Variants in USH2A observed in about 807,000 individuals in gnomAD.
The protein encoded by USH2A is usherin.
In USH2A, 443 loss-of-function variants were observed where a neutral mutation model predicts 538.9. That is an observed-to-expected ratio of 0.82 (90% CI 0.76 to 0.89). The LOEUF is 0.89. Ranked by LOEUF, USH2A falls within the 40% of genes least tolerant of loss-of-function variation. The pLI is 0.00. For missense variants in USH2A, 6,633 were observed against 6,324.8 expected, an observed-to-expected ratio of 1.05 and a Z score of -1.65; for synonymous variants, 2,413 against 2,273.5, an observed-to-expected ratio of 1.06 and a Z score of -1.75.
At chr1:216,151,172 A>G (rs990866265) in intron 21 of USH2A, among the ~76,000 whole-genome samples, 14 of 152,050 alleles carry the variant, frequency 9.2e-5, no homozygotes, top group African/African-American at 3.4e-4. Flanking sequence ...CAGTTACCCC[A>G]TCAGTCCCCA....
intron 38 of USH2A, among the ~76,000 whole-genome samples, chr1:215,928,987 A>G (rs1412808186): frequency 6.6e-6 from 1 of 152,114 alleles, no homozygotes; most frequent in Non-Finnish European, 1.5e-5. Flanking sequence ...ATTCAAAAGC[A>G]TATTGGCTGA....
At chr1:215,779,294 T>C (rs1661551318) in intron 55 of USH2A, among the ~76,000 whole-genome samples, 2 of 152,178 alleles carry the variant, frequency 1.3e-5, no homozygotes, top group African/African-American at 4.8e-5. Context: ...TAACATATCA[T>C]TGTACTGTAC....
intron 13 of USH2A, among the ~76,000 whole-genome samples, chr1:216,241,575 C>G (rs1268520448): frequency 1.3e-5 from 2 of 150,622 alleles, no homozygotes; most frequent in Non-Finnish European, 2.9e-5. Context: ...GCTCTTGTTG[C>G]CCAGGCAGGA....
intron 3 of USH2A, among the ~76,000 whole-genome samples, chr1:216,415,943 T>A (rs914810362): frequency 1.3e-5 from 2 of 152,030 alleles, no homozygotes; most frequent in Admixed American, 6.6e-5. Flanking sequence ...GGCAGGTGGA[T>A]CACCTGAGGT....
intron 54 of USH2A, among the ~76,000 whole-genome samples, chr1:215,781,017 T>C (rs1381465790): frequency 6.6e-6 from 1 of 152,226 alleles, no homozygotes; most frequent in Non-Finnish European, 1.5e-5. Flanking sequence ...TTCTATGAAA[T>C]GTCCCTTTCT....
chr1:216,116,447 T>C (rs2033011202), intron 21 of USH2A, among the ~76,000 whole-genome samples: 1 of 152,124 alleles, frequency 6.6e-6, no homozygotes, highest in African/African-American at 2.4e-5. Context: ...ATGGTGTCCA[T>C]GTCAAGCATA....
In USH2A at chr1:215,758,586, T is replaced by A. The variant is rs12095085; in HGVS notation, c.11389+9A>T. On this transcript the variant is annotated intron_variant, in intron 58 of 71. Coordinates refer to ENST00000307340, the MANE Select transcript of USH2A (RefSeq NM_206933.4). ...CACACACACACACATACTTCTTTTT[T>A]TTTTTTACCTGGTGGTATCCAAGCT... is the stretch of plus-strand genomic sequence containing the variant. The A allele has an allele frequency of 0.12, 197,902 of 1,609,608 alleles. 13,110 individuals are homozygous for A. The highest frequency in any genetic ancestry group is 0.14 in the African/African-American group (10,113 of 74,886).
chr1:215,674,888 G>A lies in USH2A; in HGVS notation c.13023C>T (p.Cys4341=). The A allele has an allele frequency of 1.2e-6, 2 of 1,614,186 alleles. No individual in the cohort carries two copies. Among genetic ancestry groups the A allele is most frequent in the South Asian group, 1.1e-5 (1 of 91,088 alleles). Residue 4341 remains cysteine (C), a synonymous_variant, in exon 63 of 72, where the codon TGC becomes TGT. Transcript: ENST00000307340. The part of the protein sequence containing the change: ...YALQACTSGG[C]STSKPTSITT... Reference sequence around the variant, plus strand: ...TGATGCTGGTGGGTTTGCTGGTGGAGCATCCTCCACTCGTGCAGGCTTGGA... The same window carrying A: ...TGATGCTGGTGGGTTTGCTGGTGGAACATCCTCCACTCGTGCAGGCTTGGA...
intron 11 of USH2A, among the ~76,000 whole-genome samples, chr1:216,255,671 T>C (rs971852409): frequency 8.5e-5 from 13 of 152,148 alleles, no homozygotes; most frequent in Non-Finnish European, 1.6e-4. Flanking sequence ...GTAGATGTTT[T>C]GTGTAGGCCT....
chr1:215,807,078 A>G (rs1377948787), intron 49 of USH2A, among the ~76,000 whole-genome samples: 6 of 152,094 alleles, frequency 3.9e-5, no homozygotes, highest in Non-Finnish European at 8.8e-5. Flanking sequence ...AATGAAGACA[A>G]CAGATGTGAT....
chr1:215,808,741 T>C (rs2102788368), intron 49 of USH2A, among the ~76,000 whole-genome samples: 1 of 152,278 alleles, frequency 6.6e-6, no homozygotes, highest in East Asian at 1.9e-4. Flanking sequence ...CACTTATCAA[T>C]ACTTTGTTCT....
chr1:215,909,793 A>G (rs901172354), intron 38 of USH2A, among the ~76,000 whole-genome samples: 6 of 151,970 alleles, frequency 3.9e-5, no homozygotes, highest in African/African-American at 1.4e-4. Flanking sequence ...CAGAAGCCTC[A>G]TTGACGTGAG....
intron 30 of USH2A, among the ~76,000 whole-genome samples, chr1:216,066,199 T>A (rs1021877214): frequency 2.6e-5 from 4 of 151,554 alleles, no homozygotes; most frequent in East Asian, 2.0e-4. Flanking sequence ...GGCCGGGCAC[T>A]GTGGCTCACG....
chr1:215,754,170 G>A (rs1231412089), intron 58 of USH2A, among the ~76,000 whole-genome samples: 1 of 152,092 alleles, frequency 6.6e-6, no homozygotes, highest in African/African-American at 2.4e-5. Context: ...ATTAACTGAG[G>A]TAAGGCAGAG....
intron 21 of USH2A, among the ~76,000 whole-genome samples, chr1:216,138,942 GTA>G (rs549349020): frequency 0.057 from 8,218 of 144,804 alleles, 274 homozygotes; most frequent in Middle Eastern, 0.12. Context: ...GTGTGTGTGT[GTA>G]TATATATGTG....
At chr1:216,000,282 A>T in intron 33 of USH2A, 121 bp downstream of exon 33, 12 of 1,090,994 alleles carry the variant, frequency 1.1e-5, no homozygotes, top group Non-Finnish European at 1.7e-5. Context: ...CCACTGAACT[A>T]ATCACTTCTA....
chr1:215,857,203 T>C (rs777625503), intron 44 of USH2A, among the ~76,000 whole-genome samples: 5 of 152,012 alleles, frequency 3.3e-5, no homozygotes, highest in Non-Finnish European at 5.9e-5. Context: ...ATAAACAAAT[T>C]AAAAAGGGAT....
At chr1:215,635,171 C>G (rs1656435285) in intron 69 of USH2A, among the ~76,000 whole-genome samples, 1 of 152,170 alleles carries the variant, frequency 6.6e-6, no homozygotes, top group South Asian at 2.1e-4. Context: ...TTGCTTCATG[C>G]AACAGTCCAA....
At chr1:216,221,567 A>G (rs2035458599) in intron 14 of USH2A, among the ~76,000 whole-genome samples, 1 of 152,194 alleles carries the variant, frequency 6.6e-6, no homozygotes, top group Admixed American at 6.5e-5. Flanking sequence ...CTCATCTGAA[A>G]GGGAGACGTT....
Sources: allele counts gnomAD v4.1 joint callset (sites outside exome capture counted in the v4.1 genomes callset), GRCh38; gene constraint gnomAD v4.1.1; transcripts MANE v1.5; gene names NCBI Gene and HGNC (gene_info 2026-07-23, HGNC 2026-07-21).